Variants in CADM2 observed in about 807,000 individuals in gnomAD.
CADM2 encodes the protein cell adhesion molecule 2.
Under a neutral mutation model 49.8 loss-of-function variants are expected in CADM2, and 12 were observed. That is an observed-to-expected ratio of 0.24 (90% CI 0.15 to 0.39). The LOEUF (loss-of-function observed/expected upper bound fraction) is 0.39. Among genes scored for constraint, CADM2 ranks in the 10% least tolerant of loss-of-function variants. CADM2 has a pLI of 1.00. For missense variants in CADM2, 378 were observed against 492.3 expected (o/e 0.77, Z 2.20); for synonymous variants, 214 against 175.4 (o/e 1.22, Z -1.74).
intron 1 of CADM2, among the ~76,000 whole-genome samples, chr3:85,395,104 G>A (rs925192047): frequency 6.6e-6 from 1 of 150,878 alleles, no homozygotes; most frequent in African/African-American, 2.5e-5. Context: ...GGGATACATA[G>A]GGAGACCCCA....
At chr3:85,848,623 A>C (rs971564464) in intron 3 of CADM2, among the ~76,000 whole-genome samples, 1 of 151,874 alleles carries the variant, frequency 6.6e-6, no homozygotes, top group African/African-American at 2.4e-5. Context: ...TACATGGTTC[A>C]CTTTGGTTTG....
intron 1 of CADM2, among the ~76,000 whole-genome samples, chr3:85,714,737 T>C (rs1230727916): frequency 6.6e-6 from 1 of 152,088 alleles, no homozygotes; most frequent in African/African-American, 2.4e-5. Context: ...GCCCTGTTTA[T>C]CTATTTTTAC....
At chr3:85,102,982 G>A (rs1298141445) in intron 1 of CADM2, among the ~76,000 whole-genome samples, 2 of 152,028 alleles carry the variant, frequency 1.3e-5, no homozygotes, top group African/African-American at 2.4e-5. Flanking sequence ...TACAGCATAC[G>A]GCTATGCACA....
At chr3:85,059,570 C>T (rs533701273) in intron 1 of CADM2, among the ~76,000 whole-genome samples, 3 of 152,272 alleles carry the variant, frequency 2.0e-5, no homozygotes, top group Admixed American at 1.3e-4. Flanking sequence ...TGAATTTTAA[C>T]TCCCACAATT....
chr3:86,023,253 T>G (rs1733427341), intron 8 of CADM2, among the ~76,000 whole-genome samples: 1 of 152,254 alleles, frequency 6.6e-6, no homozygotes. Flanking sequence ...TTGTACACAC[T>G]GCCCTGTAAA....
At chr3:85,400,160 C>G (rs905857498) in intron 1 of CADM2, among the ~76,000 whole-genome samples, 1 of 151,984 alleles carries the variant, frequency 6.6e-6, no homozygotes, top group Non-Finnish European at 1.5e-5. Context: ...TAGCATGAAG[C>G]GTTGTTGAGT....
chr3:85,019,679 C>A, intron 1 of CADM2, among the ~76,000 whole-genome samples: 1 of 152,114 alleles, frequency 6.6e-6, no homozygotes, highest in East Asian at 1.9e-4. Flanking sequence ...ATTATCCAGG[C>A]AGTACAATTT....
At chr3:85,748,451 A>G (rs193136412) in intron 2 of CADM2, among the ~76,000 whole-genome samples, 3 of 152,052 alleles carry the variant, frequency 2.0e-5, no homozygotes, top group Non-Finnish European at 2.9e-5. Context: ...CAGGTTTCTG[A>G]TGGGTATCTG....
rs148193743 is a variant in CADM2, at chr3:85,468,841, G to C, written c.62-257681G>C. ...GTGCTAACGAGCAGATCACCACTGT[G>C]GGCAACTGGAGCTCAGACTTATTGG... is the stretch of plus-strand genomic sequence containing the variant. On this transcript the variant is annotated intron_variant, in intron 1 of 9. Coordinates refer to ENST00000383699, the MANE Select transcript of CADM2 (RefSeq NM_001167675.2). Among the ~76,000 whole-genome samples the C allele has an allele frequency of 3.3e-5, 5 of 152,272 alleles. No individual in the cohort carries two copies. The East Asian group carries it at 7.8e-4, about 24-fold the overall frequency.
chr3:85,178,981 C>T (rs1397805606), intron 1 of CADM2, among the ~76,000 whole-genome samples: 1 of 151,854 alleles, frequency 6.6e-6, no homozygotes, highest in African/African-American at 2.4e-5. Flanking sequence ...GAACATTTTA[C>T]TTAACACGTC....
At chr3:85,652,700 A>G (rs1395384007) in intron 1 of CADM2, among the ~76,000 whole-genome samples, 1 of 151,454 alleles carries the variant, frequency 6.6e-6, no homozygotes, top group South Asian at 2.1e-4. Context: ...AGGGTGGTGG[A>G]AAGATTATTT....
chr3:85,831,429 C>G (rs148339237), intron 3 of CADM2, among the ~76,000 whole-genome samples: 1 of 152,144 alleles, frequency 6.6e-6, no homozygotes, highest in East Asian at 1.9e-4. Context: ...AGCAACTGAA[C>G]TAATCTACAT....
At chr3:85,272,498 A>G (rs1163318955) in intron 1 of CADM2, among the ~76,000 whole-genome samples, 2 of 151,364 alleles carry the variant, frequency 1.3e-5, no homozygotes, top group African/African-American at 2.4e-5. Flanking sequence ...AACTTTCTAT[A>G]AAAATGCTTA....
At position 85,136,209 on chromosome 3, in the gene CADM2, GGA is replaced by G; in HGVS notation, c.61+176542_61+176543del. Among the ~76,000 whole-genome samples the G allele has an allele frequency of 2.6e-5, 4 of 151,842 alleles. No homozygotes were observed. In the South Asian group the frequency reaches 8.3e-4, roughly 32 times the overall value. ...ATTTTGAGGAAATTGGAGTTCTAAA[GGA>G]AGAATAAAATAAATAACTAGGAAAA... On this transcript the variant is annotated intron_variant, in intron 1 of 9. Transcript: ENST00000383699.
intron 1 of CADM2, among the ~76,000 whole-genome samples, chr3:84,990,773 G>T (rs1255629473): frequency 1.3e-5 from 2 of 151,948 alleles, no homozygotes; most frequent in Non-Finnish European, 2.9e-5. Context: ...ACTGTTCAAA[G>T]AGAAAAATCA....
intron 1 of CADM2, among the ~76,000 whole-genome samples, chr3:85,478,619 T>G (rs1195734122): frequency 6.6e-6 from 1 of 151,956 alleles, no homozygotes; most frequent in African/African-American, 2.4e-5. Context: ...GGGAATTTAA[T>G]TATTGCAGAA....
intron 1 of CADM2, among the ~76,000 whole-genome samples, chr3:85,073,505 C>T (rs1300605877): frequency 6.6e-6 from 1 of 152,104 alleles, no homozygotes; most frequent in African/African-American, 2.4e-5. Context: ...ATAACTCTTA[C>T]TGTTCTTTCA....
At chr3:85,595,762 G>A (rs529798568) in intron 1 of CADM2, among the ~76,000 whole-genome samples, 24 of 152,024 alleles carry the variant, frequency 1.6e-4, no homozygotes, top group African/African-American at 4.6e-4. Flanking sequence ...ATATTTAAGT[G>A]CAATATGTTA....
In CADM2 at chr3:85,919,828, A is replaced by G. The variant is rs1436160516; in HGVS notation, c.700+7285A>G. Among the ~76,000 whole-genome samples the G allele has an allele frequency of 2.0e-5, 3 of 151,896 alleles. No individual in the cohort carries two copies. The East Asian group carries it at 5.8e-4, about 29-fold the overall frequency. ...CTTGATCAGTTCTCTGTTTAGTTGC[A>G]AAACAATGAAATTGATTTAAAATAA... On this transcript the variant is annotated intron_variant, in intron 6 of 9. Coordinates refer to ENST00000383699, the MANE Select transcript of CADM2 (RefSeq NM_001167675.2).
Sources: allele counts gnomAD v4.1 joint callset (sites outside exome capture counted in the v4.1 genomes callset), GRCh38; gene constraint gnomAD v4.1.1; transcripts MANE v1.5; gene names NCBI Gene and HGNC (gene_info 2026-07-23, HGNC 2026-07-21).